The following ARHGAP25 variants were observed in gnomAD, a reference collection of about 807,000 sequenced individuals.
ARHGAP25 encodes the protein rho GTPase-activating protein 25.
ARHGAP25 carries 34 observed loss-of-function variants against 71.0 expected under a neutral mutation model. The ratio of observed to expected loss-of-function variants is 0.48; its 90% CI spans 0.36 to 0.64. The LOEUF is 0.64. Among genes scored for constraint, ARHGAP25 ranks in the 30% least tolerant of loss-of-function variants. ARHGAP25 has a pLI of 0.00. For missense variants in ARHGAP25, 706 were observed against 805.1 expected (o/e 0.88, Z 1.49); for synonymous variants, 282 against 296.5 (o/e 0.95, Z 0.50).
intron 1 of ARHGAP25, among the ~76,000 whole-genome samples, chr2:68,764,502 T>C (rs1677010947): frequency 6.6e-6 from 1 of 152,132 alleles, no homozygotes; most frequent in Non-Finnish European, 1.5e-5. Flanking sequence ...TTTCTTCTTG[T>C]TTTTCTTCTT....
chr2:68,810,957 G>C (rs970215392), intron 5 of ARHGAP25, among the ~76,000 whole-genome samples: 2 of 152,078 alleles, frequency 1.3e-5, no homozygotes, highest in African/African-American at 4.8e-5. Context: ...GGCTAGGCTG[G>C]TCTCGAACTC....
chr2:68,721,296 A>G (rs556968891), intron 2 of ARHGAP25, among the ~76,000 whole-genome samples: 1 of 152,316 alleles, frequency 6.6e-6, no homozygotes, highest in Admixed American at 6.5e-5. Flanking sequence ...CTTCATTGTA[A>G]TGATCGTATT....
intron 1 of ARHGAP25, among the ~76,000 whole-genome samples, chr2:68,746,712 C>CCA (rs561489815): frequency 5.3e-5 from 8 of 151,574 alleles, no homozygotes; most frequent in South Asian, 4.2e-4. Context: ...CACCCCCCTC[C>CCA]CCATCCCCAC....
chr2:68,730,837 T>C (rs1252852375), upstream of ARHGAP25, among the ~76,000 whole-genome samples: 1 of 152,106 alleles, frequency 6.6e-6, no homozygotes, highest in African/African-American at 2.4e-5. Flanking sequence ...ATCTGCCATT[T>C]CATTTGCCTG....
intron 4 of ARHGAP25, among the ~76,000 whole-genome samples, chr2:68,801,909 A>G (rs1313737929): frequency 6.6e-6 from 1 of 152,190 alleles, no homozygotes; most frequent in Non-Finnish European, 1.5e-5. Context: ...AATTTTTTAA[A>G]AGCAAAAACC....
At chr2:68,768,396 A>T (rs575326887) in intron 1 of ARHGAP25, among the ~76,000 whole-genome samples, 4 of 152,248 alleles carry the variant, frequency 2.6e-5, no homozygotes, top group Non-Finnish European at 5.9e-5. Context: ...TCTCGCAAAT[A>T]CAAAATGCCT....
intron 9 of ARHGAP25, 138 bp from the exon 10 acceptor site, chr2:68,822,198 TAATC>T (rs1367954670): frequency 2.5e-6 from 2 of 813,054 alleles, no homozygotes; most frequent in Non-Finnish European, 4.0e-6. Flanking sequence ...CTAATGCAGA[TAATC>T]AAGTAATGTG....
chr2:68,819,316 C>T lies in ARHGAP25; in HGVS notation c.1197C>T (p.Ser399=), dbSNP rs766734098. The change falls in exon 9 of 11, where the codon AGC becomes AGT. Residue 399 remains serine, a synonymous_variant. Transcript: ENST00000409202. The stretch of plus-strand genomic sequence containing the variant: ...TTTCTAGGACAGACAGCTTCAGTAG[C>T]ATGGTAAGGTGCAGAGAACCTTCCT... ...LRISRTDSFS[S]MTSDSDTTSP... The T allele has an allele frequency of 1.3e-5, 21 of 1,613,974 alleles. No individual in the cohort carries two copies. Among genetic ancestry groups the T allele is most frequent in the African/African-American group, 2.7e-5 (2 of 74,908 alleles).
intron 2 of ARHGAP25, among the ~76,000 whole-genome samples, chr2:68,719,371 C>A (rs1674696055): frequency 7.0e-6 from 1 of 143,664 alleles, no homozygotes; most frequent in African/African-American, 2.6e-5. Context: ...TAGATAGTGT[C>A]AGAACCGAAT....
At chr2:68,712,854 T>C (rs1674519118) in intron 2 of ARHGAP25, among the ~76,000 whole-genome samples, 1 of 152,178 alleles carries the variant, frequency 6.6e-6, no homozygotes, top group South Asian at 2.1e-4. Flanking sequence ...CTCTGTTCTG[T>C]TCCATTCGTC....
intron 3 of ARHGAP25, among the ~76,000 whole-genome samples, chr2:68,786,235 G>C (rs1266409498): frequency 6.6e-6 from 1 of 152,140 alleles, no homozygotes; most frequent in Non-Finnish European, 1.5e-5. Context: ...CAGGAATCAG[G>C]GTAAACTGAG....
intron 4 of ARHGAP25, among the ~76,000 whole-genome samples, chr2:68,806,121 AT>A (rs1680345066): frequency 6.6e-6 from 1 of 152,196 alleles, no homozygotes; most frequent in South Asian, 2.1e-4. Flanking sequence ...TTGGAAAGCA[AT>A]TTGCATGCCA....
intron 10 of ARHGAP25, among the ~76,000 whole-genome samples, chr2:68,825,555 G>A (rs1007833668): frequency 2.6e-5 from 4 of 152,046 alleles, no homozygotes; most frequent in Non-Finnish European, 5.9e-5. Context: ...CACGAGGTCA[G>A]GAGATCAAGA....
rs1014628192 is a variant in ARHGAP25, at chr2:68,817,806, G to C, written c.882-67G>C. The C allele has an allele frequency of 2.4e-4, 378 of 1,579,338 alleles. 1 individual carries two copies. The highest frequency in any genetic ancestry group is 3.1e-4 in the Non-Finnish European group (361 of 1,152,458). On this transcript the variant is annotated intron_variant, in intron 7 of 10. Coordinates refer to ENST00000409202, the MANE Select transcript of ARHGAP25 (RefSeq NM_001007231.3). ...TGGATCCATCCCTGAGTTCTCATTGGAACCCTGTAGTGCTTCCTCCTGGCT... is the reference window on the plus strand; with the variant it reads ...TGGATCCATCCCTGAGTTCTCATTGCAACCCTGTAGTGCTTCCTCCTGGCT...
intron 1 of ARHGAP25, among the ~76,000 whole-genome samples, chr2:68,749,439 T>C (rs1049588931): frequency 1.3e-5 from 2 of 152,176 alleles, no homozygotes; most frequent in African/African-American, 4.8e-5. Flanking sequence ...GATCTCACAT[T>C]CATCCACTTC....
Position 68,777,171 on chromosome 2 carries a change from G to A in ARHGAP25, c.261+1751G>A, listed in dbSNP as rs1476594489. 3.3e-5 allele frequency among the ~76,000 whole-genome samples: 5 copies of A among 152,168 alleles called. No homozygotes were observed. In the East Asian group the frequency reaches 9.6e-4, roughly 29 times the overall value. On this transcript the variant is annotated intron_variant, in intron 2 of 10. Coordinates refer to ENST00000409202, the MANE Select transcript of ARHGAP25 (RefSeq NM_001007231.3). ...CGGTTGATATGTTAAGACGATGGAG[G>A]AAGTCCTCCTATCTGCAGAGTGTAA...
At chr2:68,789,725 G>C (rs535567472) in intron 4 of ARHGAP25, among the ~76,000 whole-genome samples, 1 of 152,192 alleles carries the variant, frequency 6.6e-6, no homozygotes, top group Non-Finnish European at 1.5e-5. Flanking sequence ...CCTGCTCTCT[G>C]AGTCAAAATG....
At chr2:68,756,928 T>C (rs1361259212) in intron 1 of ARHGAP25, among the ~76,000 whole-genome samples, 1 of 151,562 alleles carries the variant, frequency 6.6e-6, no homozygotes, top group African/African-American at 2.4e-5. Flanking sequence ...GTCAAGAAAA[T>C]GGTGTATGCA....
chr2:68,730,473 C>T (rs561380241), upstream of ARHGAP25, among the ~76,000 whole-genome samples: 23 of 152,122 alleles, frequency 1.5e-4, no homozygotes, highest in Admixed American at 4.6e-4. Context: ...GTGAGACCCC[C>T]ATCTCTACAG....
Sources: gnomAD v4.1 joint callset for allele counts (sites outside exome capture counted in the v4.1 genomes callset) on GRCh38, gnomAD v4.1.1 for gene constraint, MANE v1.5 for transcripts, NCBI Gene and HGNC (gene_info 2026-07-23, HGNC 2026-07-21) for gene names.